TENM3: variants seen among roughly 807,000 people sequenced by gnomAD.
TENM3 encodes the protein teneurin transmembrane protein 3, also known as teneurin-3.
Under a neutral mutation model 255.1 loss-of-function variants are expected in TENM3, and 63 were observed. That is an observed-to-expected ratio of 0.25 (90% confidence interval 0.20 to 0.30). The LOEUF is 0.30. Among genes scored for constraint, TENM3 ranks in the 10% least tolerant of loss-of-function variants. The probability of loss-of-function intolerance (pLI) is 1.00; values close to 1 mark genes in which losing one functional copy is unlikely to be tolerated. For synonymous variants in TENM3, 1,306 were observed against 1,322.3 expected, an observed-to-expected ratio of 0.99 and a Z score of 0.27; for missense variants, 2,929 against 3,461.1, an observed-to-expected ratio of 0.85 and a Z score of 3.86.
chr4:182,121,575 C>T, the TENM3 span, among the ~76,000 whole-genome samples: 1 of 152,118 alleles, frequency 6.6e-6, no homozygotes, highest in Non-Finnish European at 1.5e-5. Flanking sequence ...TCTCCCAGTG[C>T]ATATAAAAGT....
the TENM3 span, among the ~76,000 whole-genome samples, chr4:182,131,175 AACAG>A: frequency 6.6e-6 from 1 of 152,178 alleles, no homozygotes; most frequent in East Asian, 1.9e-4. Flanking sequence ...GGGTGTGCAG[AACAG>A]ACAAAGAGAT....
chr4:181,792,241 A>G, the TENM3 span, among the ~76,000 whole-genome samples: 1 of 152,224 alleles, frequency 6.6e-6, no homozygotes, highest in African/African-American at 2.4e-5. Context: ...TAACTTTCTT[A>G]GAAGAAAAAT....
At chr4:182,750,420 G>A (rs1762289723) in intron 19 of TENM3, among the ~76,000 whole-genome samples, 1 of 152,128 alleles carries the variant, frequency 6.6e-6, no homozygotes, top group African/African-American at 2.4e-5. Context: ...GGCCTCTACA[G>A]ACTCCATGTG....
chr4:182,075,359 C>T, the TENM3 span, among the ~76,000 whole-genome samples: 1 of 151,998 alleles, frequency 6.6e-6, no homozygotes, highest in Admixed American at 6.6e-5. Flanking sequence ...TCACCACACC[C>T]TGCTAATTTT....
intron 4 of TENM3, among the ~76,000 whole-genome samples, chr4:182,609,046 A>G (rs1581090281): frequency 6.6e-6 from 1 of 152,040 alleles, no homozygotes; most frequent in South Asian, 2.1e-4. Context: ...GGCTGGTGGG[A>G]CCTCAGTGGC....
At chr4:182,402,786 A>G (rs1235572044) in intron 3 of TENM3, among the ~76,000 whole-genome samples, 2 of 152,212 alleles carry the variant, frequency 1.3e-5, no homozygotes, top group African/African-American at 2.4e-5. Flanking sequence ...TTCATGAGAC[A>G]ACTCAAATTT....
chr4:182,026,851 T>C, the TENM3 span, among the ~76,000 whole-genome samples: 29 of 152,336 alleles, frequency 1.9e-4, no homozygotes, highest in African/African-American at 6.0e-4. Context: ...CCATGCTGTT[T>C]TGGTTACTAT....
chr4:182,714,039 A>G lies in TENM3; in HGVS notation c.2222-48A>G, dbSNP rs747893930. 25 of 1,580,432 alleles carry G rather than the reference A, an allele frequency of 1.6e-5. No individual in the cohort carries two copies. The African/African-American group carries it at 2.7e-4, about 17-fold the overall frequency. On this transcript the variant is annotated intron_variant, in intron 12 of 27. Transcript: ENST00000511685. ...CCCTTATCTGTTTATTTTAGGTGCA[A>G]AAACTCAATACTCAAATCACTGGTG... is the stretch of plus-strand genomic sequence containing the variant.
chr4:182,520,286 G>T (rs1438130533), intron 3 of TENM3, among the ~76,000 whole-genome samples: 1 of 152,100 alleles, frequency 6.6e-6, no homozygotes, highest in Non-Finnish European at 1.5e-5. Context: ...TTTCTACATT[G>T]TAGCAACAAA....
intron 1 of TENM3, among the ~76,000 whole-genome samples, chr4:182,206,683 T>C (rs1410481802): frequency 6.6e-6 from 1 of 152,166 alleles, no homozygotes; most frequent in Non-Finnish European, 1.5e-5. Context: ...AATAAGGTGG[T>C]TTCTATTCTT....
At chr4:181,549,641 C>T in the TENM3 span, among the ~76,000 whole-genome samples, 1 of 152,204 alleles carries the variant, frequency 6.6e-6, no homozygotes, top group Non-Finnish European at 1.5e-5. Context: ...TTCCTGTACC[C>T]CAGATTCTTA....
At chr4:182,553,459 A>AC (rs1742271475) in intron 3 of TENM3, among the ~76,000 whole-genome samples, 1 of 151,904 alleles carries the variant, frequency 6.6e-6, no homozygotes, top group Admixed American at 6.6e-5. Context: ...CAGCACACCA[A>AC]CATGGCACAT....
chr4:181,697,174 G>T, the TENM3 span, among the ~76,000 whole-genome samples: 1 of 152,196 alleles, frequency 6.6e-6, no homozygotes. Flanking sequence ...GGCCCAGGAC[G>T]GGCATGGTCT....
At chr4:181,757,185 G>T in the TENM3 span, among the ~76,000 whole-genome samples, 2 of 152,156 alleles carry the variant, frequency 1.3e-5, no homozygotes, top group East Asian at 3.9e-4. Context: ...TGGTTTCACA[G>T]GTTTTTATTA....
At chr4:181,760,100 T>G in the TENM3 span, among the ~76,000 whole-genome samples, 2 of 152,080 alleles carry the variant, frequency 1.3e-5, no homozygotes, top group Non-Finnish European at 2.9e-5. Context: ...TGAAACAAAC[T>G]TTAACAAATT....
At chr4:181,567,758 T>C in the TENM3 span, among the ~76,000 whole-genome samples, 1 of 152,198 alleles carries the variant, frequency 6.6e-6, no homozygotes, top group Non-Finnish European at 1.5e-5. Context: ...ATGTTGTGTA[T>C]GTGTGTGACA....
chr4:182,513,958 A>G (rs1293712712), intron 3 of TENM3, among the ~76,000 whole-genome samples: 1 of 151,972 alleles, frequency 6.6e-6, no homozygotes, highest in Non-Finnish European at 1.5e-5. Flanking sequence ...AATGCTTTTT[A>G]CTCTGTTTTG....
At chr4:182,274,215 G>A (rs1266178451) in intron 1 of TENM3, among the ~76,000 whole-genome samples, 2 of 152,180 alleles carry the variant, frequency 1.3e-5, no homozygotes, top group Non-Finnish European at 2.9e-5. Context: ...TGGTGGATAG[G>A]TAATTCACAC....
chr4:181,512,298 G>A, the TENM3 span, among the ~76,000 whole-genome samples: 10 of 152,052 alleles, frequency 6.6e-5, no homozygotes, highest in South Asian at 1.0e-3. Context: ...AGTCTACCAC[G>A]TTCCCTTGAG....
Sources: allele counts gnomAD v4.1 joint callset (sites outside exome capture counted in the v4.1 genomes callset), GRCh38; gene constraint gnomAD v4.1.1; transcripts MANE v1.5; gene names NCBI Gene and HGNC (gene_info 2026-07-23, HGNC 2026-07-21).